INTS14: variants seen among roughly 807,000 people sequenced by gnomAD.
INTS14 encodes UPF0464 protein C15orf44.
A neutral mutation model predicts 56.9 loss-of-function variants in INTS14; 27 were observed. The observed-to-expected ratio is 0.47, with a 90% CI of 0.35 to 0.65. INTS14 has a LOEUF of 0.65. INTS14 is among the 30% of genes least tolerant of loss of function. The probability of loss-of-function intolerance (pLI) is 0.00; values close to 1 mark genes in which losing one functional copy is unlikely to be tolerated. For synonymous variants in INTS14, 207 were observed against 236.2 expected (o/e 0.88, Z 1.13); for missense variants, 517 against 632.2 (o/e 0.82, Z 1.95).
intron 9 of INTS14, among the ~76,000 whole-genome samples, chr15:65,588,315 T>C (rs758734537): frequency 4.0e-5 from 6 of 151,068 alleles, no homozygotes; most frequent in African/African-American, 7.3e-5. Context: ...ATAATAATAA[T>C]AATAATAAAA....
At chr15:65,592,938 G>A (rs766139020) in intron 8 of INTS14, among the ~76,000 whole-genome samples, 1 of 151,918 alleles carries the variant, frequency 6.6e-6, no homozygotes, top group East Asian at 1.9e-4. Context: ...CTTATTCTAG[G>A]GGATGATTAA....
intron 3 of INTS14, among the ~76,000 whole-genome samples, chr15:65,603,867 T>C (rs1157732468): frequency 1.3e-5 from 2 of 152,226 alleles, no homozygotes; most frequent in African/African-American, 4.8e-5. Context: ...CACAGACACC[T>C]ACAAAGCCTA....
intron 11 of INTS14, among the ~76,000 whole-genome samples, chr15:65,580,453 G>A (rs1046100820): frequency 8.5e-5 from 13 of 152,188 alleles, no homozygotes; most frequent in Non-Finnish European, 1.5e-5. Flanking sequence ...AATAGCTGAT[G>A]ACTGTAGGAA....
intron 1 of INTS14, chr15:65,610,611 G>C: frequency 2.1e-6 from 3 of 1,459,716 alleles, no homozygotes; most frequent in South Asian, 2.4e-5. Context: ...GTGATAATTA[G>C]CTCATTCATA....
intron 8 of INTS14, 76 bp downstream of exon 8, chr15:65,593,352 G>A: frequency 6.6e-7 from 1 of 1,523,040 alleles, no homozygotes; most frequent in Non-Finnish European, 8.8e-7. Flanking sequence ...ATTTCCTTCA[G>A]AAAAGTCTGC....
intron 3 of INTS14, among the ~76,000 whole-genome samples, chr15:65,604,774 A>G (rs112539469): frequency 6.2e-4 from 94 of 151,820 alleles, no homozygotes; most frequent in African/African-American, 2.2e-3. Context: ...TTGCATTGAG[A>G]TAATGAAGAC....
rs1396429245 is a variant in INTS14 at position 65,598,434 on chromosome 15, A to C, written c.635T>G (p.Phe212Cys). ...GTGGCCACACTTGAGAACAGCATGGAAAGGCGTATATGCCAAATCTATCAG... is the reference window on the plus strand; with the variant it reads ...GTGGCCACACTTGAGAACAGCATGGCAAGGCGTATATGCCAAATCTATCAG... The part of the protein sequence containing the change: ...GKLIDLAYTP[F>C]HAVLKCGHLT... Residue 212 changes from phenylalanine (F) to cysteine (C), a missense_variant, in exon 6 of 12, where the codon TTC (phenylalanine) becomes TGC (cysteine). Physicochemically the swap from Phe to Cys is radical, Grantham distance 205. Coordinates refer to ENST00000313182, the MANE Select transcript of INTS14 (RefSeq NM_001394796.1). The C allele has an allele frequency of 6.2e-7, 1 of 1,614,058 alleles. No homozygotes were observed. The highest frequency in any genetic ancestry group is 1.1e-5 in the South Asian group (1 of 91,068).
Position 65,584,784 on chromosome 15 carries a change from G to A in INTS14, c.1225C>T (p.Pro409Ser). ...GGTAATGTTACCTGCAGGCCGCTGG[G>A]TTTGATCCAGACAGTCACATTCTGG... is the stretch of plus-strand genomic sequence containing the variant. ...YAQNVTVWIK[P>S]SGLQTDVQKI... The change falls in exon 10 of 12, where the codon CCC becomes TCC. Residue 409 changes from proline (P) to serine (S), a missense_variant. Pro to Ser is a moderately conservative substitution (Grantham distance 74). Transcript: ENST00000313182. 1 of 1,612,428 alleles carries A rather than the reference G, an allele frequency of 6.2e-7. No individual in the cohort carries two copies. The highest frequency in any genetic ancestry group is 8.5e-7 in the Non-Finnish European group (1 of 1,179,240).
chr15:65,584,969 A>G, intron 9 of INTS14, 81 bp from the exon 10 acceptor site: 2 of 1,146,734 alleles, frequency 1.7e-6, no homozygotes, highest in Non-Finnish European at 2.5e-6. Flanking sequence ...AAGCTCTTTG[A>G]ATCACTCAAT....
chr15:65,609,341 G>C (rs753689919), intron 1 of INTS14, among the ~76,000 whole-genome samples: 1 of 151,956 alleles, frequency 6.6e-6, no homozygotes, highest in African/African-American at 2.4e-5. Flanking sequence ...AAGCATAGGC[G>C]TAAAAGAAGA....
intron 2 of INTS14, 89 bp from the exon 3 acceptor site, chr15:65,605,325 T>TGTG: frequency 2.1e-6 from 2 of 964,720 alleles, no homozygotes; most frequent in African/African-American, 1.6e-5. Flanking sequence ...GTATGAATGT[T>TGTG]ACACAGGGGA....
In INTS14 at chr15:65,607,367, A is replaced by G. The variant is rs1310011749; in HGVS notation, c.14T>C (p.Val5Ala). Residue 5 changes from valine (V) to alanine (A), a missense_variant, in exon 2 of 12, where the codon GTG becomes GCG. Coordinates refer to ENST00000313182, the MANE Select transcript of INTS14 (RefSeq NM_001394796.1). ...CATGGAAAGGGATACATCCATTACC[A>G]CCACTGTCGGCATGATGAAAATGAT... Reference protein sequence around the residue: MPTVVVMDVSLSMTR... With the variant: MPTVAVMDVSLSMTR... The G allele has an allele frequency of 2.5e-6, 4 of 1,614,232 alleles. No individual in the cohort carries two copies. In the South Asian group the frequency reaches 4.4e-5, roughly 18 times the overall value.
At chr15:65,589,687 T>C (rs1283549339) in intron 9 of INTS14, among the ~76,000 whole-genome samples, 1 of 152,172 alleles carries the variant, frequency 6.6e-6, no homozygotes, top group Non-Finnish European at 1.5e-5. Context: ...ACTCTGTACT[T>C]CTATGAGCTC....
At chr15:65,596,437 G>A (rs1376337576) in intron 6 of INTS14, among the ~76,000 whole-genome samples, 1 of 152,000 alleles carries the variant, frequency 6.6e-6, no homozygotes, top group Non-Finnish European at 1.5e-5. Context: ...AGAAGAAAAA[G>A]TCACTCATTA....
intron 11 of INTS14, among the ~76,000 whole-genome samples, chr15:65,581,307 G>A (rs919385134): frequency 3.5e-5 from 5 of 141,262 alleles, no homozygotes; most frequent in South Asian, 4.4e-4. Context: ...TTGAGCCCGC[G>A]AGGCGGAGGT....
At chr15:65,596,580 C>CT (rs1380333597) in intron 6 of INTS14, among the ~76,000 whole-genome samples, 1 of 151,600 alleles carries the variant, frequency 6.6e-6, no homozygotes, top group Non-Finnish European at 1.5e-5. Flanking sequence ...TTTCTTTTTT[C>CT]TTTTTTTGAG....
chr15:65,591,469 C>T (rs1185121416), intron 9 of INTS14, 129 bp downstream of exon 9: 2 of 1,248,114 alleles, frequency 1.6e-6, no homozygotes, highest in Non-Finnish European at 2.2e-6. Context: ...CGTACACATC[C>T]AGCATCATCC....
chr15:65,587,811 C>T (rs555207368), intron 9 of INTS14, among the ~76,000 whole-genome samples: 1 of 151,726 alleles, frequency 6.6e-6, no homozygotes, highest in Non-Finnish European at 1.5e-5. Context: ...GAGATCTTGT[C>T]TCTATAAAAA....
At chr15:65,600,371 G>A (rs2073386197) in intron 3 of INTS14, among the ~76,000 whole-genome samples, 2 of 152,072 alleles carry the variant, frequency 1.3e-5, no homozygotes, top group South Asian at 2.1e-4. Context: ...GCTCACACCT[G>A]TAATCCCAGC....
Sources: allele counts gnomAD v4.1 joint callset (sites outside exome capture counted in the v4.1 genomes callset), GRCh38; gene constraint gnomAD v4.1.1; transcripts MANE v1.5; gene names NCBI Gene and HGNC (gene_info 2026-07-23, HGNC 2026-07-21).